MLPH: variants seen among roughly 807,000 people sequenced by gnomAD.
The protein encoded by MLPH is melanophilin.
In MLPH, 51 loss-of-function variants were observed where a neutral mutation model predicts 72.1. The ratio of observed to expected loss-of-function variants is 0.71; its 90% CI spans 0.56 to 0.89. The LOEUF (loss-of-function observed/expected upper bound fraction) is 0.89. MLPH is among the 40% of genes least tolerant of loss of function. The pLI is 0.00. For missense variants in MLPH, 743 were observed against 759.9 expected (o/e 0.98, Z 0.26); for synonymous variants, 301 against 310.1 (o/e 0.97, Z 0.31).
rs1391958112 is a variant in MLPH at position 237,540,878 on chromosome 2, G to A, written c.1367G>A (p.Arg456Lys). ...QDPGDPVQYN[R>K]TTDEELSELE... ...CCTGGGGACCCCGTCCAGTACAACA[G>A]GACCACAGATGAGGAGCTGTCAGAG... is the stretch of plus-strand genomic sequence containing the variant. Residue 456 changes from arginine (R) to lysine (K), a missense_variant, in exon 11 of 16, where the codon AGG becomes AAG. Transcript: ENST00000264605. The A allele has an allele frequency of 1.2e-5, 19 of 1,613,190 alleles. No individual in the cohort carries two copies. The highest frequency in any genetic ancestry group is 1.3e-5 in the Non-Finnish European group (15 of 1,179,914).
chr2:237,527,750 C>T (rs1464570274), intron 8 of MLPH: 5 of 575,314 alleles, frequency 8.7e-6, no homozygotes, highest in Non-Finnish European at 1.5e-5. Context: ...AATCGAGTTT[C>T]CATAGGATCC....
At chr2:237,511,349 C>A in intron 4 of MLPH, 4 of 446,390 alleles carry the variant, frequency 9.0e-6, no homozygotes, top group Non-Finnish European at 8.2e-6. Flanking sequence ...TGGGCTCAAG[C>A]AATCCACCCA....
intron 1 of MLPH, among the ~76,000 whole-genome samples, chr2:237,490,165 C>T (rs968684593): frequency 6.6e-6 from 1 of 152,112 alleles, no homozygotes; most frequent in Admixed American, 6.5e-5. Flanking sequence ...CTCTGGGAGC[C>T]CCCACCCCAC....
intron 1 of MLPH, among the ~76,000 whole-genome samples, chr2:237,491,185 G>A (rs2079422275): frequency 1.3e-5 from 2 of 152,168 alleles, no homozygotes; most frequent in African/African-American, 4.8e-5. Flanking sequence ...CAGCACTGAT[G>A]GGAGATGCTT....
rs534027400 is a variant in MLPH, at chr2:237,547,607, C to T, written c.1617+924C>T. On this transcript the variant is annotated intron_variant, in intron 13 of 15. Transcript: ENST00000264605. Reference sequence around the variant, plus strand: ...TAGGAGCAGTGCACAGAGGGCAGAGCCAGCCTGGGAGGGAGTTGCTCCCCG... The same window carrying T: ...TAGGAGCAGTGCACAGAGGGCAGAGTCAGCCTGGGAGGGAGTTGCTCCCCG... Among the ~76,000 whole-genome samples, 343 of 54,048 alleles carry T rather than the reference C, an allele frequency of 6.3e-3. 2 individuals carry two copies. The highest frequency in any genetic ancestry group is 7.5e-3 in the Admixed American group (44 of 5,880). The allele number at this position is 54,048 out of a possible 152,430, so 35.5% of individuals were successfully genotyped here.
chr2:237,553,417 G>T, intron 15 of MLPH, 149 bp from the exon 16 acceptor site: 1 of 797,384 alleles, frequency 1.3e-6, no homozygotes. Flanking sequence ...ACATGCATGT[G>T]TGCACAAACG....
intron 15 of MLPH, chr2:237,552,948 C>G (rs147062974): frequency 2.7e-6 from 1 of 366,848 alleles, no homozygotes; most frequent in African/African-American, 2.1e-5. Context: ...GTTACCACAA[C>G]GAAAGCGCAG....
At chr2:237,542,541 G>C in intron 11 of MLPH, 26 bp from the exon 12 acceptor site, 1 of 1,559,122 alleles carries the variant, frequency 6.4e-7, no homozygotes, top group Non-Finnish European at 8.7e-7. Context: ...TGTCTGACGG[G>C]CCTTCTGTCT....
At chr2:237,489,409 G>C (rs960717897) in intron 1 of MLPH, among the ~76,000 whole-genome samples, 9 of 152,190 alleles carry the variant, frequency 5.9e-5, no homozygotes, top group Admixed American at 2.6e-4. Flanking sequence ...AGATGTGCCT[G>C]GTTCACTTGT....
chr2:237,504,284 T>C (rs529604594), intron 2 of MLPH, among the ~76,000 whole-genome samples: 1 of 152,324 alleles, frequency 6.6e-6, no homozygotes, highest in South Asian at 2.1e-4. Context: ...TGGCGCAATC[T>C]CAGCTCACTG....
At chr2:237,519,764 C>T in intron 5 of MLPH, 146 bp from the exon 6 acceptor site, 2 of 1,188,418 alleles carry the variant, frequency 1.7e-6, no homozygotes, top group South Asian at 2.4e-5. Context: ...CAGGTTTGTT[C>T]CTAGTGGAGG....
At chr2:237,517,016 G>A (rs975412187) in intron 4 of MLPH, among the ~76,000 whole-genome samples, 2 of 147,176 alleles carry the variant, frequency 1.4e-5, no homozygotes, top group Non-Finnish European at 3.0e-5. Context: ...TGGATGGATG[G>A]ATGGATGGAT....
At position 237,505,616 on chromosome 2, in the gene MLPH, A is replaced by G. The variant is rs74001380; in HGVS notation, c.111-4958A>G. On this transcript the variant is annotated intron_variant, in intron 2 of 15. Transcript: ENST00000264605. This position sits in a 1 kb window ranked among gnomAD's most constrained non-coding sequence, Gnocchi z 4.5. ...ATGTTGCCACCACACCCCTGTCTAG[A>G]TTTCACCCCAAGAGGGGCAGAGCAG... Among the ~76,000 whole-genome samples the G allele has an allele frequency of 0.015, 2,349 of 152,082 alleles. 60 individuals carry two copies. Among genetic ancestry groups the G allele is most frequent in the African/African-American group, 0.054 (2,222 of 41,480 alleles).
chr2:237,497,238 G>A lies in MLPH; in HGVS notation c.110+3702G>A, dbSNP rs138845913. Among the ~76,000 whole-genome samples, 157 of 152,322 alleles carry A rather than the reference G, an allele frequency of 1.0e-3. 1 individual carries two copies. Among genetic ancestry groups the A allele is most frequent in the African/African-American group, 2.9e-3 (121 of 41,564 alleles). On this transcript the variant is annotated intron_variant, in intron 2 of 15. Coordinates refer to ENST00000264605, the MANE Select transcript of MLPH (RefSeq NM_024101.7). ...TCTTACCTGCCAATCACCTCCTGCC[G>A]TGCAATTCGGTTCCTCACAGGCCAG...
At position 237,532,898 on chromosome 2, in the gene MLPH, C is replaced by T. The variant is rs529140596; in HGVS notation, c.1021-1666C>T. Among the ~76,000 whole-genome samples, 38 of 152,334 alleles carry T rather than the reference C, an allele frequency of 2.5e-4. No homozygotes were observed. The South Asian group carries it at 4.8e-3, about 19-fold the overall frequency. On this transcript the variant is annotated intron_variant, in intron 8 of 15. Transcript: ENST00000264605. ...ACAAGCATCAAACCAGAATATGGCACGTGCCCCAGGCAATCCGCTGAGAGA... is the reference window on the plus strand; with the variant it reads ...ACAAGCATCAAACCAGAATATGGCATGTGCCCCAGGCAATCCGCTGAGAGA...
intron 8 of MLPH, among the ~76,000 whole-genome samples, chr2:237,529,424 G>A (rs1416370889): frequency 6.6e-6 from 1 of 152,184 alleles, no homozygotes; most frequent in Non-Finnish European, 1.5e-5. Context: ...CACTCACATT[G>A]TAGACATTAA....
intron 6 of MLPH, among the ~76,000 whole-genome samples, chr2:237,521,503 A>T (rs557684993): frequency 1.3e-5 from 2 of 152,190 alleles, no homozygotes; most frequent in Non-Finnish European, 2.9e-5. Context: ...GCGTGGGTGC[A>T]GATGTGAAGG....
intron 8 of MLPH, among the ~76,000 whole-genome samples, chr2:237,529,197 C>T (rs1188344818): frequency 3.3e-5 from 5 of 152,058 alleles, no homozygotes; most frequent in Admixed American, 1.3e-4. Flanking sequence ...CGCCCACCAC[C>T]ACGCCCGGCT....
intron 2 of MLPH, among the ~76,000 whole-genome samples, chr2:237,506,215 T>G (rs2079768038): frequency 6.6e-6 from 1 of 152,238 alleles, no homozygotes; most frequent in Non-Finnish European, 1.5e-5. Flanking sequence ...TTAAAAATAT[T>G]TATTTATTCA....
Sources: gnomAD v4.1 joint callset for allele counts (sites outside exome capture counted in the v4.1 genomes callset) on GRCh38, gnomAD v4.1.1 for gene constraint, Gnocchi (gnomAD v3.1) non-coding constraint, MANE v1.5 for transcripts, NCBI Gene and HGNC (gene_info 2026-07-23, HGNC 2026-07-21) for gene names.